The following DDX10 variants were observed in gnomAD, a reference collection of about 807,000 sequenced individuals.
DDX10 encodes the protein probable ATP-dependent RNA helicase DDX10.
A neutral mutation model predicts 104.3 loss-of-function variants in DDX10; 74 were observed. The observed-to-expected ratio is 0.71, with a 90% CI of 0.59 to 0.86. DDX10 has a LOEUF of 0.86. DDX10 is among the 40% of genes least tolerant of loss of function. The pLI, the probability that DDX10 is intolerant of heterozygous loss-of-function variation, is 0.00. For missense variants in DDX10, 952 were observed against 1,040.0 expected, an observed-to-expected ratio of 0.92 and a Z score of 1.16; for synonymous variants, 351 against 353.4, an observed-to-expected ratio of 0.99 and a Z score of 0.08.
chr11:108,721,641 A>C (rs1451463698), intron 12 of DDX10, among the ~76,000 whole-genome samples: 1 of 152,136 alleles, frequency 6.6e-6, no homozygotes, highest in Non-Finnish European at 1.5e-5. Flanking sequence ...TGGTATTTTA[A>C]TTTTTTTAGA....
intron 16 of DDX10, among the ~76,000 whole-genome samples, chr11:108,900,875 AT>A (rs1863508360): frequency 6.6e-6 from 1 of 152,188 alleles, no homozygotes; most frequent in South Asian, 2.1e-4. Flanking sequence ...TGTTTCCAGT[AT>A]CTACCTTGTA....
chr11:108,692,163 A>G, intron 8 of DDX10, 125 bp downstream of exon 8: 1 of 844,382 alleles, frequency 1.2e-6, no homozygotes, highest in Non-Finnish European at 1.7e-6. Context: ...GTAAGAGAAA[A>G]GTAAGTAGTA....
intron 9 of DDX10, among the ~76,000 whole-genome samples, chr11:108,698,505 C>G (rs2094262978): frequency 6.6e-6 from 1 of 152,140 alleles, no homozygotes; most frequent in South Asian, 2.1e-4. Context: ...TATTTTGCAT[C>G]TTGAAGCAAT....
intron 16 of DDX10, among the ~76,000 whole-genome samples, chr11:108,897,855 C>G (rs964321281): frequency 6.6e-6 from 1 of 152,056 alleles, no homozygotes; most frequent in African/African-American, 2.4e-5. Context: ...CATCTTCCAG[C>G]CACTGACAAT....
chr11:108,678,953 G>C (rs2094230427), intron 5 of DDX10, among the ~76,000 whole-genome samples: 1 of 140,440 alleles, frequency 7.1e-6, no homozygotes, highest in Non-Finnish European at 1.5e-5. Context: ...CTCGGCTCAT[G>C]GGTTCAAGTG....
intron 15 of DDX10, among the ~76,000 whole-genome samples, chr11:108,851,240 A>C (rs1047564658): frequency 6.6e-6 from 1 of 152,136 alleles, no homozygotes; most frequent in Admixed American, 6.6e-5. Context: ...TGGAAAGAGA[A>C]GGGAGATAAA....
At chr11:108,778,985 G>A (rs375721611) in intron 13 of DDX10, among the ~76,000 whole-genome samples, 12 of 152,000 alleles carry the variant, frequency 7.9e-5, no homozygotes, top group African/African-American at 2.4e-4. Flanking sequence ...AACCACAATG[G>A]GATACCATCT....
intron 16 of DDX10, among the ~76,000 whole-genome samples, chr11:108,898,316 G>A (rs905473534): frequency 2.0e-5 from 3 of 152,046 alleles, no homozygotes; most frequent in Admixed American, 2.0e-4. Context: ...TGAGGTCTTG[G>A]CATATTCAGA....
chr11:108,913,807 C>T (rs1354609515), intron 16 of DDX10, among the ~76,000 whole-genome samples: 1 of 152,154 alleles, frequency 6.6e-6, no homozygotes, highest in African/African-American at 2.4e-5. Context: ...AGACATAGTA[C>T]TTCAGAATGT....
rs374299462 is a variant in DDX10 at position 108,677,166 on chromosome 11, G to A, written c.460G>A (p.Ala154Thr). Reference sequence around the variant, plus strand: ...CATAATATCACCTACGAGAGAACTGGCCTATCAGACCTTTGAGGTTCTCCG... The same window carrying A: ...CATAATATCACCTACGAGAGAACTGACCTATCAGACCTTTGAGGTTCTCCG... ...VLIISPTREL[A>T]YQTFEVLRKV... The change falls in exon 4 of 18, where the codon GCC becomes ACC. Residue 154 changes from alanine (A) to threonine (T), a missense_variant. By Grantham distance (58) the Ala-to-Thr change is moderately conservative. Transcript: ENST00000322536. The A allele has an allele frequency of 4.5e-5, 72 of 1,613,844 alleles. No homozygotes were observed. Among genetic ancestry groups the A allele is most frequent in the Non-Finnish European group, 6.0e-5 (71 of 1,179,952 alleles).
intron 16 of DDX10, 114 bp downstream of exon 16, chr11:108,852,323 CTTCTT>C (rs1286054872): frequency 4.3e-6 from 3 of 699,908 alleles, no homozygotes; most frequent in Non-Finnish European, 4.6e-6. Flanking sequence ...TTTAAATCCT[CTTCTT>C]TTCAACATGG....
intron 13 of DDX10, among the ~76,000 whole-genome samples, chr11:108,812,340 A>G (rs993332537): frequency 1.3e-5 from 2 of 152,186 alleles, no homozygotes; most frequent in African/African-American, 4.8e-5. Flanking sequence ...TACAATTGAT[A>G]TATGTAGTAA....
At chr11:108,714,196 A>G (rs931538327) in intron 10 of DDX10, among the ~76,000 whole-genome samples, 6 of 152,146 alleles carry the variant, frequency 3.9e-5, no homozygotes, top group African/African-American at 1.4e-4. Flanking sequence ...TGCCTTATGA[A>G]TGGGTCCTCC....
chr11:108,792,787 T>G (rs1405448350), intron 13 of DDX10, among the ~76,000 whole-genome samples: 2 of 152,220 alleles, frequency 1.3e-5, no homozygotes, highest in Non-Finnish European at 2.9e-5. Flanking sequence ...TATGAAAAGA[T>G]TGCTAGAATT....
At chr11:108,929,892 G>T (rs1451184848) in intron 17 of DDX10, among the ~76,000 whole-genome samples, 1 of 152,134 alleles carries the variant, frequency 6.6e-6, no homozygotes, top group African/African-American at 2.4e-5. Flanking sequence ...TAAACATGGA[G>T]TGAAAAATAT....
At chr11:108,846,512 A>T in intron 15 of DDX10, among the ~76,000 whole-genome samples, 1 of 152,140 alleles carries the variant, frequency 6.6e-6, no homozygotes, top group Admixed American at 6.5e-5. Context: ...TATGAACTGG[A>T]TTCCACAGAT....
chr11:108,906,863 A>C (rs1863603440), intron 16 of DDX10, among the ~76,000 whole-genome samples: 2 of 152,328 alleles, frequency 1.3e-5, no homozygotes, highest in Non-Finnish European at 2.9e-5. Flanking sequence ...TTTTGTGCAA[A>C]GCAGCCTTAG....
At chr11:108,866,926 G>A (rs1304879291) in intron 16 of DDX10, among the ~76,000 whole-genome samples, 1 of 152,182 alleles carries the variant, frequency 6.6e-6, no homozygotes, top group Non-Finnish European at 1.5e-5. Context: ...ATAAAGAACA[G>A]TTCAGAAGTT....
At chr11:108,676,977 T>C (rs2094226206) in intron 3 of DDX10, 108 bp from the exon 4 acceptor site, 1 of 931,168 alleles carries the variant, frequency 1.1e-6, no homozygotes, top group Non-Finnish European at 1.6e-6. Context: ...TTGAGTGGTA[T>C]GCCTTCTGCT....
Sources: gnomAD v4.1 joint callset for allele counts (sites outside exome capture counted in the v4.1 genomes callset) on GRCh38, gnomAD v4.1.1 for gene constraint, MANE v1.5 for transcripts, NCBI Gene and HGNC (gene_info 2026-07-23, HGNC 2026-07-21) for gene names.